Variants in SGCE observed in about 807,000 individuals in gnomAD.
SGCE encodes sarcoglycan epsilon.
Under a neutral mutation model 57.8 loss-of-function variants are expected in SGCE, and 26 were observed. The ratio of observed to expected loss-of-function variants is 0.45; its 90% CI spans 0.33 to 0.62. The LOEUF (loss-of-function observed/expected upper bound fraction) is 0.62, where lower values mean the gene tolerates loss of function less well. Ranked by LOEUF, SGCE falls within the 20% of genes least tolerant of loss-of-function variation. SGCE has a pLI of 0.02. For missense variants in SGCE, 468 were observed against 548.6 expected (o/e 0.85, Z 1.47); for synonymous variants, 183 against 189.5 (o/e 0.97, Z 0.28).
chr7:94,624,893 G>C (rs1803442891), intron 3 of SGCE: 1 of 151,786 alleles, frequency 6.6e-6, no homozygotes, highest in Non-Finnish European at 1.5e-5. Flanking sequence ...AAATAATGCA[G>C]ACTATTGAAG....
intron 5 of SGCE, 127 bp downstream of exon 5, chr7:94,618,631 T>A: frequency 1.3e-6 from 1 of 753,738 alleles, no homozygotes; most frequent in South Asian, 1.8e-5. Flanking sequence ...TATGTTCATA[T>A]CTTTACAATA....
At chr7:94,651,923 T>G (rs1278543651) in intron 1 of SGCE, among the ~76,000 whole-genome samples, 1 of 147,886 alleles carries the variant, frequency 6.8e-6, no homozygotes, top group Admixed American at 6.8e-5. Flanking sequence ...AACATTGGCT[T>G]TTTCTTCTTT....
At chr7:94,624,228 A>G (rs1409984274) in intron 3 of SGCE, 2 of 397,996 alleles carry the variant, frequency 5.0e-6, no homozygotes, top group Non-Finnish European at 4.4e-6. Flanking sequence ...CCTTCTGGCA[A>G]TGATTGCAGC....
At chr7:94,652,914 G>A (rs1179097052) in intron 1 of SGCE, among the ~76,000 whole-genome samples, 1 of 152,048 alleles carries the variant, frequency 6.6e-6, no homozygotes, top group Non-Finnish European at 1.5e-5. Flanking sequence ...CAAATAGAAA[G>A]TCCAGTTATT....
chr7:94,597,574 TGAGA>T (rs1562797902), intron 9 of SGCE: 1 of 151,936 alleles, frequency 6.6e-6, no homozygotes. Context: ...AAAGAGAGAC[TGAGA>T]GAGTGAGAAA....
chr7:94,589,160 C>T (rs376423151), intron 9 of SGCE: 7 of 195,728 alleles, frequency 3.6e-5, no homozygotes, highest in African/African-American at 1.4e-4. Flanking sequence ...TATATAACCA[C>T]CTTCATTCAC....
At chr7:94,587,792 A>G in intron 10 of SGCE, 2 of 1,548,504 alleles carry the variant, frequency 1.3e-6, no homozygotes, top group Non-Finnish European at 1.7e-6. Flanking sequence ...AATCTTTGAA[A>G]AGTTGTCAAA....
At chr7:94,634,333 A>G (rs1805223740) in intron 1 of SGCE, among the ~76,000 whole-genome samples, 1 of 152,138 alleles carries the variant, frequency 6.6e-6, no homozygotes, top group Admixed American at 6.6e-5. Context: ...CATTTTGTAC[A>G]TCAATTGTTG....
intron 5 of SGCE, among the ~76,000 whole-genome samples, chr7:94,615,243 C>T (rs985473728): frequency 2.0e-5 from 3 of 152,102 alleles, no homozygotes; most frequent in African/African-American, 7.2e-5. Flanking sequence ...CCTGTAATCT[C>T]AGCTAATCAG....
intron 1 of SGCE, among the ~76,000 whole-genome samples, chr7:94,653,178 TG>T (rs1481087361): frequency 6.6e-6 from 1 of 152,140 alleles, no homozygotes; most frequent in Non-Finnish European, 1.5e-5. Flanking sequence ...TATAAATACA[TG>T]GCAAATTTTC....
At chr7:94,646,690 G>A (rs373462988) in intron 1 of SGCE, among the ~76,000 whole-genome samples, 1 of 152,134 alleles carries the variant, frequency 6.6e-6, no homozygotes, top group African/African-American at 2.4e-5. Flanking sequence ...CCAAGTGTAT[G>A]AGCTATTGGG....
At chr7:94,587,907 T>G in intron 10 of SGCE, 1 of 1,476,084 alleles carries the variant, frequency 6.8e-7, no homozygotes, top group South Asian at 1.4e-5. Context: ...AGAGACTTAC[T>G]TAATAGTTTC....
chr7:94,602,509 CAT>C (rs972092153), intron 6 of SGCE, among the ~76,000 whole-genome samples: 1 of 151,148 alleles, frequency 6.6e-6, no homozygotes, highest in African/African-American at 2.4e-5. Flanking sequence ...CACCACCAAT[CAT>C]AAAGAATTGA....
At chr7:94,587,430 A>T in intron 10 of SGCE, 2 of 1,161,736 alleles carry the variant, frequency 1.7e-6, no homozygotes, top group Non-Finnish European at 2.1e-6. Flanking sequence ...CAGAAGATAG[A>T]AATCTTAGGC....
At chr7:94,604,806 A>AATATATATATATAT (rs59162734) in intron 5 of SGCE, among the ~76,000 whole-genome samples, 7 of 44,406 alleles carry the variant, frequency 1.6e-4, no homozygotes, top group Non-Finnish European at 2.1e-4. Context: ...ATGGTGCTGG[A>AATATATATATATAT]ATATATATAT....
At chr7:94,655,935 G>A (rs1167302854) in intron 1 of SGCE, 55 bp downstream of exon 1, 2 of 1,147,518 alleles carry the variant, frequency 1.7e-6, no homozygotes, top group Admixed American at 3.5e-5. Context: ...GCGGGGGAGG[G>A]GGAGGCGGCG....
At chr7:94,629,652 T>A in intron 2 of SGCE, 67 bp downstream of exon 2, 1 of 1,358,874 alleles carries the variant, frequency 7.4e-7, no homozygotes, top group African/African-American at 1.4e-5. Flanking sequence ...CATATATGTC[T>A]ATATTATGCA....
chr7:94,634,750 G>C (rs1200834159), intron 1 of SGCE, among the ~76,000 whole-genome samples: 1 of 152,254 alleles, frequency 6.6e-6, no homozygotes, highest in East Asian at 1.9e-4. Context: ...CTTAGTTGAC[G>C]CAGTACACTT....
chr7:94,645,722 G>C (rs1201040278), intron 1 of SGCE, among the ~76,000 whole-genome samples: 1 of 152,070 alleles, frequency 6.6e-6, no homozygotes, highest in Non-Finnish European at 1.5e-5. Flanking sequence ...ACCCATATCA[G>C]TGACATACTG....
Sources: allele counts gnomAD v4.1 joint callset (sites outside exome capture counted in the v4.1 genomes callset), GRCh38; gene constraint gnomAD v4.1.1; transcripts MANE v1.5; gene names NCBI Gene and HGNC (gene_info 2026-07-23, HGNC 2026-07-21).